The following IFNLR1 variants were observed in gnomAD, a reference collection of about 807,000 sequenced individuals.
IFNLR1 encodes CRF2-12.
In IFNLR1, 28 loss-of-function variants were observed where a neutral mutation model predicts 52.5. The observed-to-expected ratio is 0.53, with a 90% CI of 0.40 to 0.73. IFNLR1 has a LOEUF of 0.73. Among genes scored for constraint, IFNLR1 ranks in the 30% least tolerant of loss-of-function variants. The pLI, the probability that IFNLR1 is intolerant of heterozygous loss-of-function variation, is 0.00. For synonymous variants in IFNLR1, 276 were observed against 274.9 expected (o/e 1.00, Z -0.04); for missense variants, 623 against 659.1 (o/e 0.95, Z 0.60).
intron 2 of IFNLR1, 52 bp downstream of exon 2, chr1:24,180,679 C>T: frequency 8.6e-7 from 1 of 1,158,228 alleles, no homozygotes; most frequent in Non-Finnish European, 1.2e-6. Flanking sequence ...CCCTCCAGCC[C>T]CCACCCACCC....
intron 3 of IFNLR1, 54 bp from the exon 4 acceptor site, chr1:24,161,738 A>G (rs1278967458): frequency 6.9e-7 from 1 of 1,441,108 alleles, no homozygotes. Context: ...CACTGCCTCC[A>G]TCCCCCAAGA....
chr1:24,186,820 C>T (rs1316855308), intron 1 of IFNLR1, among the ~76,000 whole-genome samples: 3 of 152,230 alleles, frequency 2.0e-5, no homozygotes, highest in Non-Finnish European at 2.9e-5. Context: ...GTCCCACTTT[C>T]CCTGCTGTCC....
At chr1:24,158,785 C>T (rs1467122616) in intron 6 of IFNLR1, among the ~76,000 whole-genome samples, 1 of 152,198 alleles carries the variant, frequency 6.6e-6, no homozygotes, top group African/African-American at 2.4e-5. Flanking sequence ...AGGGGCTCTG[C>T]TCTCAGCAGC....
At chr1:24,169,296 C>T in intron 3 of IFNLR1, 121 bp downstream of exon 3, 2 of 899,966 alleles carry the variant, frequency 2.2e-6, no homozygotes, top group Non-Finnish European at 3.4e-6. Flanking sequence ...GCCCAGGGAG[C>T]TGCCCTCTGC....
intron 6 of IFNLR1, among the ~76,000 whole-genome samples, chr1:24,158,675 C>G (rs1644407438): frequency 6.6e-6 from 1 of 152,152 alleles, no homozygotes; most frequent in African/African-American, 2.4e-5. Context: ...ACAGCTTATC[C>G]TGGGTTAAAG....
At chr1:24,180,913 A>G (rs1644684147) in intron 1 of IFNLR1, 59 bp from the exon 2 acceptor site, 1 of 1,574,924 alleles carries the variant, frequency 6.3e-7, no homozygotes, top group Admixed American at 1.8e-5. Flanking sequence ...GACTCAGGCC[A>G]TCCCAAGCTG....
chr1:24,184,444 G>A (rs1267570602), intron 1 of IFNLR1, among the ~76,000 whole-genome samples: 9 of 151,998 alleles, frequency 5.9e-5, no homozygotes, highest in Non-Finnish European at 1.0e-4. Flanking sequence ...ATTTGTTATT[G>A]AGGTTTGTGA....
chr1:24,175,455 T>C (rs1294538051), intron 2 of IFNLR1, among the ~76,000 whole-genome samples: 2 of 152,272 alleles, frequency 1.3e-5, no homozygotes, highest in African/African-American at 2.4e-5. Context: ...TTTTCTCTTT[T>C]GGAATGGGAA....
At chr1:24,166,640 G>A (rs138243842) in intron 3 of IFNLR1, among the ~76,000 whole-genome samples, 3,048 of 152,152 alleles carry the variant, frequency 0.02, 118 homozygotes, top group African/African-American at 0.07. Flanking sequence ...TTGACCTCCT[G>A]GGCTCAAGTC....
rs759238227 is a variant in IFNLR1, at chr1:24,161,482, C to G, written c.510+60G>C. 4 of 1,547,054 alleles carry G rather than the reference C, an allele frequency of 2.6e-6. No individual in the cohort carries two copies. The Admixed American group carries it at 5.9e-5, about 23-fold the overall frequency. Reference sequence around the variant, plus strand: ...GAGCAGGCTGGGAGGGTGAGAAGAACCTGAGTAAGAAGGGGTGGAGGAGCG... The same window carrying G: ...GAGCAGGCTGGGAGGGTGAGAAGAAGCTGAGTAAGAAGGGGTGGAGGAGCG... On this transcript the variant is annotated intron_variant, in intron 4 of 6. Coordinates refer to ENST00000327535, the MANE Select transcript of IFNLR1 (RefSeq NM_170743.4).
rs1441937113 is a variant in IFNLR1, at chr1:24,155,064, T to G, written c.*2066A>C. ...GCCAGAGAGAACATCGGTACAGGTCTGGGAATTTCCCTGGGAGCTGGCCCC... is the reference window on the plus strand; with the variant it reads ...GCCAGAGAGAACATCGGTACAGGTCGGGGAATTTCCCTGGGAGCTGGCCCC... On this transcript the variant is annotated 3_prime_UTR_variant, in exon 7 of 7. Transcript: ENST00000327535. 6.6e-6 allele frequency: 1 copy of G among 152,268 alleles called. No homozygotes were observed. Among genetic ancestry groups the G allele is most frequent in the African/African-American group, 2.4e-5 (1 of 41,456 alleles). The allele number at this position is 152,268 out of a possible 1,614,324, so 9.4% of individuals were successfully genotyped here.
intron 3 of IFNLR1, among the ~76,000 whole-genome samples, chr1:24,166,591 G>C (rs1644522312): frequency 6.6e-6 from 1 of 152,032 alleles, no homozygotes; most frequent in African/African-American, 2.4e-5. Context: ...CTGTCACCGA[G>C]GCTGGAATTC....
chr1:24,167,760 T>C (rs1569658349), intron 3 of IFNLR1, among the ~76,000 whole-genome samples: 1 of 152,262 alleles, frequency 6.6e-6, no homozygotes, highest in East Asian at 1.9e-4. Context: ...AGTGGCACGA[T>C]CTCAGCTCAC....
chr1:24,172,325 T>C (rs2148597318), intron 2 of IFNLR1, among the ~76,000 whole-genome samples: 1 of 152,138 alleles, frequency 6.6e-6, no homozygotes, highest in Admixed American at 6.5e-5. Context: ...AGAAGAAACA[T>C]GTCACAAAAA....
At chr1:24,162,001 C>G (rs1280930658) in intron 3 of IFNLR1, among the ~76,000 whole-genome samples, 1 of 152,188 alleles carries the variant, frequency 6.6e-6, no homozygotes, top group African/African-American at 2.4e-5. Flanking sequence ...CCTGGCAGAT[C>G]CTGCCCATCT....
At chr1:24,171,841 A>G (rs1315735995) in intron 2 of IFNLR1, among the ~76,000 whole-genome samples, 1 of 151,664 alleles carries the variant, frequency 6.6e-6, no homozygotes, top group Admixed American at 6.6e-5. Context: ...ATTTTAGTAG[A>G]GATGGGGTTT....
rs1644417476 is a variant in IFNLR1, at chr1:24,159,497, G to A, written c.647C>T (p.Thr216Ile). 1 of 1,614,200 alleles carries A rather than the reference G, an allele frequency of 6.2e-7. No individual in the cohort carries two copies. Among genetic ancestry groups the A allele is most frequent in the Non-Finnish European group, 8.5e-7 (1 of 1,180,036 alleles). The change falls in exon 5 of 7, where the codon ACC becomes ATC. Residue 216 changes from threonine (T) to isoleucine (I), a missense_variant. By Grantham distance (89) the Thr-to-Ile change is moderately conservative. Coordinates refer to ENST00000327535, the MANE Select transcript of IFNLR1 (RefSeq NM_170743.4). ...ACCTGGGACCTCCAGCAAGAAGCAG[G>A]TGGGCTTAGAGAACTTGCTGTATTT... ...VPKYSKFSKP[T>I]CFLLEVPEAN...
rs1422344034 is a variant in IFNLR1, at chr1:24,155,075, C to T, written c.*2055G>A. The T allele has an allele frequency of 2.6e-5, 4 of 152,208 alleles. No individual in the cohort carries two copies. The highest frequency in any genetic ancestry group is 9.7e-5 in the African/African-American group (4 of 41,434). 9.4% of individuals were successfully genotyped at this position (152,208 alleles called of 1,614,324 possible). The stretch of plus-strand genomic sequence containing the variant: ...CATCGGTACAGGTCTGGGAATTTCC[C>T]TGGGAGCTGGCCCCAAGCCACAGCC... On this transcript the variant is annotated 3_prime_UTR_variant, in exon 7 of 7. Transcript: ENST00000327535.
intron 2 of IFNLR1, among the ~76,000 whole-genome samples, chr1:24,169,993 T>C (rs1250855407): frequency 6.6e-6 from 1 of 152,258 alleles, no homozygotes; most frequent in African/African-American, 2.4e-5. Context: ...CCAAGGACCA[T>C]GATAGGTACT....
Sources: allele counts gnomAD v4.1 joint callset (sites outside exome capture counted in the v4.1 genomes callset), GRCh38; gene constraint gnomAD v4.1.1; transcripts MANE v1.5; gene names NCBI Gene and HGNC (gene_info 2026-07-23, HGNC 2026-07-21).